The following TMPRSS2 variants were observed in gnomAD, a reference collection of about 807,000 sequenced individuals.
TMPRSS2 encodes transmembrane protease serine 2.
Under a neutral mutation model 67.4 loss-of-function variants are expected in TMPRSS2, and 59 were observed. The ratio of observed to expected loss-of-function variants is 0.88; its 90% CI spans 0.71 to 1.09. The LOEUF (loss-of-function observed/expected upper bound fraction) is 1.09. TMPRSS2 is among the 50% of genes least tolerant of loss of function. The pLI, the probability that TMPRSS2 is intolerant of heterozygous loss-of-function variation, is 0.00. For missense variants in TMPRSS2, 668 were observed against 642.7 expected (o/e 1.04, Z -0.43); for synonymous variants, 257 against 257.0 (o/e 1.00, Z 0.00).
At chr21:41,480,697 G>A in intron 5 of TMPRSS2, 95 bp from the exon 6 acceptor site, 1 of 1,518,812 alleles carries the variant, frequency 6.6e-7, no homozygotes, top group Non-Finnish European at 8.9e-7. Context: ...GAAGTGCAGT[G>A]GTCTGATCTC....
intron 5 of TMPRSS2, among the ~76,000 whole-genome samples, chr21:41,484,411 C>T (rs139222305): frequency 0.01 from 1,539 of 152,194 alleles, 13 homozygotes; most frequent in Non-Finnish European, 0.013. Context: ...TTAAAATATG[C>T]GCACACACAC....
At chr21:41,488,562 T>G in intron 4 of TMPRSS2, 49 bp from the exon 5 acceptor site, 1 of 1,568,246 alleles carries the variant, frequency 6.4e-7, no homozygotes, top group East Asian at 2.3e-5. Flanking sequence ...AGAAACGCAA[T>G]GAGCCTCATG....
rs185086499 is a variant in TMPRSS2 at position 41,487,560 on chromosome 21, C to T, written c.445+834G>A. The T allele has an allele frequency of 9.2e-5, 14 of 152,236 alleles. No homozygotes were observed. In the East Asian group the frequency reaches 1.9e-3, roughly 21 times the overall value. The allele number at this position is 152,236 out of a possible 1,614,324, so 9.4% of individuals were successfully genotyped here. Reference sequence around the variant, plus strand: ...GGTTTTATGTGTTCTTAATAAGACACGTATATGAGGTAAGGCCCATGTTCT... The same window carrying T: ...GGTTTTATGTGTTCTTAATAAGACATGTATATGAGGTAAGGCCCATGTTCT... On this transcript the variant is annotated intron_variant, in intron 5 of 13. Coordinates refer to ENST00000332149, the MANE Select transcript of TMPRSS2 (RefSeq NM_005656.4).
chr21:41,479,129 T>C, intron 7 of TMPRSS2, 43 bp downstream of exon 7: 2 of 1,458,164 alleles, frequency 1.4e-6, no homozygotes, highest in Non-Finnish European at 9.6e-7. Context: ...TGTCTCCTAG[T>C]TGATTTCATT....
At chr21:41,506,288 C>A (rs1007279799) in intron 1 of TMPRSS2, among the ~76,000 whole-genome samples, 3 of 152,202 alleles carry the variant, frequency 2.0e-5, no homozygotes, top group Non-Finnish European at 2.9e-5. Flanking sequence ...AGAACAAAAG[C>A]CCAGCCAGCT....
intron 11 of TMPRSS2, chr21:41,468,857 C>T (rs1433430587): frequency 3.5e-6 from 1 of 287,112 alleles, no homozygotes; most frequent in African/African-American, 2.1e-5. Context: ...TTCTGCTGAA[C>T]CAATTTCCCA....
At chr21:41,473,229 A>G in intron 9 of TMPRSS2, 96 bp downstream of exon 9, 2 of 1,360,992 alleles carry the variant, frequency 1.5e-6, no homozygotes, top group Non-Finnish European at 9.9e-7. Context: ...AAACACAAGG[A>G]TGCCGGGGCT....
chr21:41,470,336 G>A (rs920661978), intron 11 of TMPRSS2, among the ~76,000 whole-genome samples: 6 of 152,156 alleles, frequency 3.9e-5, no homozygotes, highest in African/African-American at 1.4e-4. Context: ...GATCTCCAGG[G>A]CAGCTCTAAA....
Position 41,464,660 on chromosome 21 carries a change from T to A in TMPRSS2, c.*1482A>T. 1 of 233,204 alleles carries A rather than the reference T, an allele frequency of 4.3e-6. No individual in the cohort carries two copies. Among genetic ancestry groups the A allele is most frequent in the Non-Finnish European group, 8.5e-6 (1 of 117,986 alleles). The allele number at this position is 233,204 out of a possible 1,614,324, so 14.4% of individuals were successfully genotyped here. On this transcript the variant is annotated 3_prime_UTR_variant, in exon 14 of 14. Coordinates refer to ENST00000332149, the MANE Select transcript of TMPRSS2 (RefSeq NM_005656.4). Reference sequence around the variant, plus strand: ...AAAGACAAACAGTTGTTCACATAAATAAGAAGGGGCAATAAAGAAGGAAGA... The same window carrying A: ...AAAGACAAACAGTTGTTCACATAAAAAAGAAGGGGCAATAAAGAAGGAAGA...
At chr21:41,468,933 C>T (rs946483134) in intron 11 of TMPRSS2, 8 of 191,246 alleles carry the variant, frequency 4.2e-5, no homozygotes, top group Non-Finnish European at 7.7e-5. Context: ...ACACACTCTT[C>T]TGGAGCACAC....
At chr21:41,471,197 T>C (rs1176408616) in intron 10 of TMPRSS2, among the ~76,000 whole-genome samples, 1 of 152,260 alleles carries the variant, frequency 6.6e-6, no homozygotes, top group Non-Finnish European at 1.5e-5. Flanking sequence ...TTGCTTCTTC[T>C]GTATCCACAT....
chr21:41,498,278 T>C lies in TMPRSS2; in HGVS notation c.-56-89A>G, dbSNP rs186510586. ...GGAAAGAACTAGAAGAATCTCTAGATGAAGGTTACCTACAACAAAGACCAG... is the reference window on the plus strand; with the variant it reads ...GGAAAGAACTAGAAGAATCTCTAGACGAAGGTTACCTACAACAAAGACCAG... On this transcript the variant is annotated intron_variant, in intron 1 of 13. Coordinates refer to ENST00000332149, the MANE Select transcript of TMPRSS2 (RefSeq NM_005656.4). 74 of 879,124 alleles carry C rather than the reference T, an allele frequency of 8.4e-5. No homozygotes were observed. In the Middle Eastern group the frequency reaches 2.5e-3, roughly 30 times the overall value. The allele number at this position is 879,124 out of a possible 1,614,324, so 54.5% of individuals were successfully genotyped here.
chr21:41,497,280 A>T (rs2091390606), intron 2 of TMPRSS2, among the ~76,000 whole-genome samples: 1 of 152,226 alleles, frequency 6.6e-6, no homozygotes, highest in Non-Finnish European at 1.5e-5. Flanking sequence ...TGAGCCAAAC[A>T]AGGCCCGCAG....
Position 41,470,605 on chromosome 21 carries a change from A to G in TMPRSS2, c.1171+43T>C. On this transcript the variant is annotated intron_variant, in intron 11 of 13. Coordinates refer to ENST00000332149, the MANE Select transcript of TMPRSS2 (RefSeq NM_005656.4). The stretch of plus-strand genomic sequence containing the variant: ...CTCCCACTTCCGAACCCAATGCTCC[A>G]TCTGTGGGCCCTGCAGTCCTGTGTG... 3 of 1,582,174 alleles carry G rather than the reference A, an allele frequency of 1.9e-6. No individual in the cohort carries two copies. In the South Asian group the frequency reaches 3.3e-5, roughly 18 times the overall value.
intron 5 of TMPRSS2, among the ~76,000 whole-genome samples, chr21:41,484,979 G>A (rs574957059): frequency 9.9e-5 from 15 of 152,234 alleles, no homozygotes; most frequent in African/African-American, 3.4e-4. Context: ...AAATACCTGT[G>A]CTTCTTTATG....
chr21:41,497,971 T>A (rs1414679122), intron 2 of TMPRSS2, 148 bp downstream of exon 2: 1 of 625,206 alleles, frequency 1.6e-6, no homozygotes, highest in Admixed American at 2.9e-5. Context: ...TGACTCACTC[T>A]TTCTAGAGGG....
intron 1 of TMPRSS2, among the ~76,000 whole-genome samples, chr21:41,504,743 C>T (rs1428653856): frequency 1.3e-5 from 2 of 152,166 alleles, no homozygotes; most frequent in African/African-American, 4.8e-5. Flanking sequence ...CACACCCAGG[C>T]CCATACCCCT....
chr21:41,505,797 A>C (rs2091453889), intron 1 of TMPRSS2, among the ~76,000 whole-genome samples: 1 of 152,152 alleles, frequency 6.6e-6, no homozygotes, highest in Non-Finnish European at 1.5e-5. Context: ...CCAGGGAAGG[A>C]TCAAAAGGAA....
intron 5 of TMPRSS2, chr21:41,487,452 T>G (rs2086142825): frequency 6.6e-6 from 1 of 152,328 alleles, no homozygotes; most frequent in East Asian, 1.9e-4. Context: ...ACAGGAGGAA[T>G]AAGTTCGAGC....
Sources: allele counts gnomAD v4.1 joint callset (sites outside exome capture counted in the v4.1 genomes callset), GRCh38; gene constraint gnomAD v4.1.1; transcripts MANE v1.5; gene names NCBI Gene and HGNC (gene_info 2026-07-23, HGNC 2026-07-21).